Variants in TRIP12 observed in about 807,000 individuals in gnomAD.
TRIP12 encodes the protein E3 ubiquitin-protein ligase TRIP12.
Under a neutral mutation model 244.2 loss-of-function variants are expected in TRIP12, and 25 were observed. That is an observed-to-expected ratio of 0.10 (90% CI 0.07 to 0.14). The LOEUF (loss-of-function observed/expected upper bound fraction) is 0.14. Among genes scored for constraint, TRIP12 ranks in the 10% least tolerant of loss-of-function variants. The pLI is 1.00. For missense variants in TRIP12, 1,677 were observed against 2,486.4 expected (o/e 0.67, Z 6.92); for synonymous variants, 905 against 873.1 (o/e 1.04, Z -0.64).
At chr2:229,828,344 T>C (rs1326003705) in intron 8 of TRIP12, among the ~76,000 whole-genome samples, 1 of 95,208 alleles carries the variant, frequency 1.1e-5, no homozygotes, top group Non-Finnish European at 2.6e-5. Context: ...AGTGATTTGT[T>C]TTTTTTTTTT....
At chr2:229,796,347 G>A (rs998971700) in intron 25 of TRIP12, among the ~76,000 whole-genome samples, 1 of 152,046 alleles carries the variant, frequency 6.6e-6, no homozygotes, top group African/African-American at 2.4e-5. Flanking sequence ...CATCCTGCAA[G>A]CAAAAAAGAC....
In TRIP12 at chr2:229,764,852, C is replaced by A. The variant is rs989511273; in HGVS notation, c.*2702G>T. On this transcript the variant is annotated 3_prime_UTR_variant, in exon 42 of 42. Transcript: ENST00000675903. The stretch of plus-strand genomic sequence containing the variant: ...TAAAGAGGGACTCCAAGCATAATTA[C>A]TTTCTTTATATCCTGCTAGTGAAAG... The A allele has an allele frequency of 6.6e-6, 1 of 152,216 alleles. No homozygotes were observed. Among genetic ancestry groups the A allele is most frequent in the African/African-American group, 2.4e-5 (1 of 41,452 alleles). 9.4% of individuals were successfully genotyped at this position (152,216 alleles called of 1,614,324 possible).
chr2:229,902,949 A>G (rs2071423451), intron 1 of TRIP12, among the ~76,000 whole-genome samples: 1 of 151,538 alleles, frequency 6.6e-6, no homozygotes, highest in Non-Finnish European at 1.5e-5. Context: ...TTAAAAGCCA[A>G]TGGTCTAAAC....
intron 38 of TRIP12, among the ~76,000 whole-genome samples, chr2:229,772,409 A>C (rs2034694433): frequency 6.6e-6 from 1 of 152,226 alleles, no homozygotes; most frequent in Non-Finnish European, 1.5e-5. Context: ...GTCCTACTGA[A>C]TACTAAAAGG....
intron 4 of TRIP12, among the ~76,000 whole-genome samples, chr2:229,842,698 AC>A (rs11312999): frequency 0.25 from 38,388 of 152,122 alleles, 5,591 homozygotes; most frequent in East Asian, 0.4. Context: ...ATACCATGAT[AC>A]AGTAATAGAC....
chr2:229,843,908 G>A (rs2154315791), intron 4 of TRIP12, among the ~76,000 whole-genome samples: 1 of 151,462 alleles, frequency 6.6e-6, no homozygotes, highest in Middle Eastern at 3.4e-3. Flanking sequence ...GGAAGGGAGG[G>A]GAGAAGAAAG....
At position 229,777,307 on chromosome 2, in the gene TRIP12, A is replaced by C; in HGVS notation, c.5529+8T>G. The C allele has an allele frequency of 6.2e-7, 1 of 1,612,122 alleles. No homozygotes were observed. Reference sequence around the variant, plus strand: ...CTTGATCTACTGGACTGTTTCTTCTAAGCCTACCTGGGATTTATCTTGTTC... The same window carrying C: ...CTTGATCTACTGGACTGTTTCTTCTCAGCCTACCTGGGATTTATCTTGTTC... On this transcript the variant is annotated splice_region_variant and intron_variant, in intron 37 of 41. Coordinates refer to ENST00000675903, the MANE Select transcript of TRIP12 (RefSeq NM_001348323.3).
Position 229,836,237 on chromosome 2 carries a change from A to AT in TRIP12, c.1270+610dup, listed in dbSNP as rs764974907. ...TAAGCCTATAGTGATTGATTTTAAC[A>AT]TTTTTTTATCAGTTGTTCATGTCAT... On this transcript the variant is annotated intron_variant, in intron 6 of 41. Coordinates refer to ENST00000675903, the MANE Select transcript of TRIP12 (RefSeq NM_001348323.3). Among the ~76,000 whole-genome samples the AT allele has an allele frequency of 5.9e-5, 9 of 152,274 alleles. No individual in the cohort carries two copies. The East Asian group carries it at 7.7e-4, about 13-fold the overall frequency.
intron 1 of TRIP12, among the ~76,000 whole-genome samples, chr2:229,901,576 T>C (rs1366649969): frequency 1.3e-5 from 2 of 149,826 alleles, no homozygotes; most frequent in African/African-American, 2.5e-5. Context: ...TGAGCCGAGA[T>C]TGCACCACTG....
intron 2 of TRIP12, among the ~76,000 whole-genome samples, chr2:229,870,513 C>A (rs2062370697): frequency 6.6e-6 from 1 of 152,116 alleles, no homozygotes. Flanking sequence ...TATAAGATTT[C>A]TAAGACTGGA....
intron 1 of TRIP12, among the ~76,000 whole-genome samples, chr2:229,891,401 G>T (rs1008861521): frequency 2.0e-5 from 3 of 152,056 alleles, no homozygotes; most frequent in African/African-American, 7.2e-5. Flanking sequence ...CTCTAACCTG[G>T]GCGACAGAGC....
At chr2:229,900,757 G>C (rs925947051) in intron 1 of TRIP12, 8 of 151,966 alleles carry the variant, frequency 5.3e-5, no homozygotes, top group Admixed American at 1.3e-4. Flanking sequence ...AGCTGCTCTG[G>C]AGGCTGCGGC....
intron 21 of TRIP12, among the ~76,000 whole-genome samples, chr2:229,800,539 T>C (rs2044007817): frequency 6.6e-6 from 1 of 152,096 alleles, no homozygotes; most frequent in South Asian, 2.1e-4. Flanking sequence ...TGCTTGACAA[T>C]CAGGAAAAAT....
At chr2:229,864,867 T>A (rs1161470549) in intron 2 of TRIP12, among the ~76,000 whole-genome samples, 1 of 152,184 alleles carries the variant, frequency 6.6e-6, no homozygotes, top group Non-Finnish European at 1.5e-5. Flanking sequence ...TGCCTCTGAG[T>A]GTTAACTTTT....
At chr2:229,836,210 T>G (rs2054779218) in intron 6 of TRIP12, among the ~76,000 whole-genome samples, 1 of 152,224 alleles carries the variant, frequency 6.6e-6, no homozygotes, top group Admixed American at 6.5e-5. Flanking sequence ...GACTCATACA[T>G]ATAAGCCTAT....
At chr2:229,870,284 C>A (rs1256660456) in intron 2 of TRIP12, among the ~76,000 whole-genome samples, 2 of 152,230 alleles carry the variant, frequency 1.3e-5, no homozygotes, top group African/African-American at 2.4e-5. Flanking sequence ...AGGGCTTGAT[C>A]TAGCTTCAGA....
chr2:229,907,346 A>G (rs1159195448), intron 1 of TRIP12, among the ~76,000 whole-genome samples: 4 of 152,242 alleles, frequency 2.6e-5, no homozygotes, highest in Non-Finnish European at 5.9e-5. Flanking sequence ...AAGGTCAAAC[A>G]AGGAAAAACT....
chr2:229,917,535 ATTAAC>A (rs2154382407), intron 1 of TRIP12, among the ~76,000 whole-genome samples: 1 of 151,540 alleles, frequency 6.6e-6, no homozygotes, highest in South Asian at 2.1e-4. Flanking sequence ...GCTTGGCCTT[ATTAAC>A]TAAAGCTTGG....
At chr2:229,783,456 A>G (rs2038957055) in intron 34 of TRIP12, among the ~76,000 whole-genome samples, 1 of 152,248 alleles carries the variant, frequency 6.6e-6, no homozygotes, top group South Asian at 2.1e-4. Flanking sequence ...AAGGTCACAG[A>G]AAACAAGGTT....
Sources: gnomAD v4.1 joint callset for allele counts (sites outside exome capture counted in the v4.1 genomes callset) on GRCh38, gnomAD v4.1.1 for gene constraint, MANE v1.5 for transcripts, NCBI Gene and HGNC (gene_info 2026-07-23, HGNC 2026-07-21) for gene names.